Variants in IMMP2L observed in about 807,000 individuals in gnomAD.
The protein encoded by IMMP2L is mitochondrial inner membrane protease subunit 2.
Under a neutral mutation model 19.3 loss-of-function variants are expected in IMMP2L, and 18 were observed. The observed-to-expected ratio is 0.93, with a 90% CI of 0.64 to 1.38. IMMP2L has a LOEUF of 1.38. Ranked by LOEUF, IMMP2L falls within the 40% of genes most tolerant of loss-of-function variation. The pLI, the probability that IMMP2L is intolerant of heterozygous loss-of-function variation, is 0.00. For missense variants in IMMP2L, 233 were observed against 218.2 expected, an observed-to-expected ratio of 1.07 and a Z score of -0.43; for synonymous variants, 76 against 73.0, an observed-to-expected ratio of 1.04 and a Z score of -0.21.
chr7:110,878,613 T>C (rs1809315784), intron 5 of IMMP2L, among the ~76,000 whole-genome samples: 1 of 152,078 alleles, frequency 6.6e-6, no homozygotes, highest in Non-Finnish European at 1.5e-5. Context: ...ATCCTTCATA[T>C]CATTCACTGT....
intron 3 of IMMP2L, among the ~76,000 whole-genome samples, chr7:111,144,512 A>T (rs1803261075): frequency 6.6e-6 from 1 of 152,164 alleles, no homozygotes; most frequent in South Asian, 2.1e-4. Flanking sequence ...CAGTGTGTCT[A>T]TCTCAGAAGT....
intron 3 of IMMP2L, among the ~76,000 whole-genome samples, chr7:111,457,448 T>C (rs1414916610): frequency 6.6e-6 from 1 of 152,132 alleles, no homozygotes; most frequent in Admixed American, 6.5e-5. Context: ...CTAAGGACAC[T>C]GTCTGTACCA....
At chr7:111,405,113 G>A (rs1053534986) in intron 3 of IMMP2L, among the ~76,000 whole-genome samples, 1 of 151,974 alleles carries the variant, frequency 6.6e-6, no homozygotes, top group Non-Finnish European at 1.5e-5. Flanking sequence ...TCCTTTTACC[G>A]ACTATGGTTT....
intron 5 of IMMP2L, among the ~76,000 whole-genome samples, chr7:110,808,362 T>A (rs1801773417): frequency 6.6e-6 from 1 of 152,068 alleles, no homozygotes; most frequent in South Asian, 2.1e-4. Context: ...CATCCAACAT[T>A]TCAAATCTTC....
intron 3 of IMMP2L, among the ~76,000 whole-genome samples, chr7:111,270,622 T>A (rs776604839): frequency 6.6e-6 from 1 of 152,182 alleles, no homozygotes; most frequent in Non-Finnish European, 1.5e-5. Context: ...TTAAAAGGCT[T>A]ACCAAATAGC....
chr7:111,512,063 T>C (rs1317134897), intron 2 of IMMP2L, among the ~76,000 whole-genome samples: 3 of 152,148 alleles, frequency 2.0e-5, no homozygotes, highest in African/African-American at 4.8e-5. Flanking sequence ...ATCATGTATA[T>C]ACACGTAACT....
chr7:111,475,328 T>A (rs994492508), intron 3 of IMMP2L, among the ~76,000 whole-genome samples: 3 of 152,036 alleles, frequency 2.0e-5, no homozygotes, highest in African/African-American at 7.2e-5. Context: ...ATTTGGTGGG[T>A]GTCGTTTTAA....
chr7:111,427,291 G>A (rs1269458046), intron 3 of IMMP2L, among the ~76,000 whole-genome samples: 5 of 151,498 alleles, frequency 3.3e-5, no homozygotes, highest in Non-Finnish European at 5.9e-5. Context: ...TTTTCTGTAG[G>A]TACTATCAAA....
chr7:111,553,499 A>G (rs1790917163), intron 1 of IMMP2L, among the ~76,000 whole-genome samples: 1 of 152,110 alleles, frequency 6.6e-6, no homozygotes, highest in Non-Finnish European at 1.5e-5. Context: ...TTTCTGGAAA[A>G]TGGCTATTTT....
chr7:111,376,098 T>TA lies in IMMP2L; in HGVS notation c.239+111139dup, dbSNP rs1186598784. On this transcript the variant is annotated intron_variant, in intron 3 of 5. Coordinates refer to ENST00000405709, the MANE Select transcript of IMMP2L (RefSeq NM_032549.4). ...TTACCTTCTCTCAGTCCCAATTTCT[T>TA]ACAACAGTTAGCTAACAGAGAAATT... Among the ~76,000 whole-genome samples the TA allele has an allele frequency of 1.3e-5, 2 of 152,098 alleles. 1 individual carries two copies. Among genetic ancestry groups the TA allele is most frequent in the Non-Finnish European group, 2.9e-5 (2 of 68,000 alleles).
At chr7:110,981,058 G>A (rs1306320239) in intron 3 of IMMP2L, among the ~76,000 whole-genome samples, 1 of 152,096 alleles carries the variant, frequency 6.6e-6, no homozygotes, top group Non-Finnish European at 1.5e-5. Context: ...TCTGCTTTGA[G>A]AGTTTAGGCT....
chr7:111,491,685 G>A (rs1415317921), intron 2 of IMMP2L, among the ~76,000 whole-genome samples: 1 of 152,098 alleles, frequency 6.6e-6, no homozygotes, highest in Admixed American at 6.5e-5. Flanking sequence ...ACAAGGGTAT[G>A]CTCTCTATCT....
At chr7:110,790,443 A>C (rs1423621932) in intron 5 of IMMP2L, among the ~76,000 whole-genome samples, 1 of 151,826 alleles carries the variant, frequency 6.6e-6, no homozygotes, top group Admixed American at 6.6e-5. Flanking sequence ...AGAAGCATCA[A>C]GGGGACCAGT....
chr7:111,435,714 T>A (rs1585087990), intron 3 of IMMP2L, among the ~76,000 whole-genome samples: 1 of 151,708 alleles, frequency 6.6e-6, no homozygotes, highest in South Asian at 2.1e-4. Context: ...GATTTTAATA[T>A]CCCAAAATAC....
intron 5 of IMMP2L, among the ~76,000 whole-genome samples, chr7:110,761,293 C>T (rs191200902): frequency 6.6e-6 from 1 of 152,210 alleles, no homozygotes; most frequent in East Asian, 1.9e-4. Context: ...CTTTATCTAC[C>T]TCACATCAAG....
intron 3 of IMMP2L, among the ~76,000 whole-genome samples, chr7:111,192,495 A>G (rs1808997133): frequency 6.6e-6 from 1 of 152,146 alleles, no homozygotes; most frequent in African/African-American, 2.4e-5. Flanking sequence ...CGCTTCTTCC[A>G]ACAAAACTTA....
At position 111,483,289 on chromosome 7, in the gene IMMP2L, T is replaced by A. The variant is rs925242766; in HGVS notation, c.239+3949A>T. Reference sequence around the variant, plus strand: ...AGAACCTCTGTCCCGATGGACTTGTTAAGTGATATATTATTGTGAAATAGT... The same window carrying A: ...AGAACCTCTGTCCCGATGGACTTGTAAAGTGATATATTATTGTGAAATAGT... On this transcript the variant is annotated intron_variant, in intron 3 of 5. Transcript: ENST00000405709. 3 of 152,296 alleles carry A rather than the reference T, an allele frequency of 2.0e-5. No homozygotes were observed. In the South Asian group the frequency reaches 6.2e-4, roughly 32 times the overall value. The allele number at this position is 152,296 out of a possible 1,614,324, so 9.4% of individuals were successfully genotyped here.
intron 3 of IMMP2L, chr7:111,392,655 T>G: frequency 2.5e-6 from 1 of 396,792 alleles, no homozygotes; most frequent in Non-Finnish European, 5.0e-6. Context: ...GAATTTTTAG[T>G]GCTCAGTCCC....
At chr7:110,675,342 G>C (rs115946698) in intron 5 of IMMP2L, among the ~76,000 whole-genome samples, 2 of 152,024 alleles carry the variant, frequency 1.3e-5, no homozygotes, top group South Asian at 4.1e-4. Flanking sequence ...GAGCACAGTA[G>C]TGGCTACATC....
Sources: allele counts gnomAD v4.1 joint callset (sites outside exome capture counted in the v4.1 genomes callset), GRCh38; gene constraint gnomAD v4.1.1; transcripts MANE v1.5; gene names NCBI Gene and HGNC (gene_info 2026-07-23, HGNC 2026-07-21).